ABCA4: variants seen among roughly 807,000 people sequenced by gnomAD.
ABCA4 encodes ATP binding cassette subfamily A member 4.
In ABCA4, 196 loss-of-function variants were observed where a neutral mutation model predicts 263.7. That is an observed-to-expected ratio of 0.74 (90% CI 0.66 to 0.84). The LOEUF (loss-of-function observed/expected upper bound fraction) is 0.84. Among genes scored for constraint, ABCA4 ranks in the 40% least tolerant of loss-of-function variants. ABCA4 has a pLI of 0.00. For missense variants in ABCA4, 2,792 were observed against 2,855.1 expected (o/e 0.98, Z 0.50); for synonymous variants, 1,133 against 1,094.2 (o/e 1.04, Z -0.70).
chr1:93,993,317 C>G, intron 49 of ABCA4, 75 bp from the exon 50 acceptor site: 1 of 1,600,656 alleles, frequency 6.2e-7, no homozygotes. Flanking sequence ...ATTTCAAAAG[C>G]TAAACAGTTG....
intron 6 of ABCA4, among the ~76,000 whole-genome samples, chr1:94,095,122 A>G (rs1662087354): frequency 6.6e-6 from 1 of 152,168 alleles, no homozygotes. Context: ...TAGTGTGCAA[A>G]TGAGCGTGTG....
At chr1:94,086,198 C>T (rs935857086) in intron 6 of ABCA4, among the ~76,000 whole-genome samples, 2 of 152,186 alleles carry the variant, frequency 1.3e-5, no homozygotes, top group Non-Finnish European at 2.9e-5. Flanking sequence ...TGTTTATACA[C>T]CTGATACTCC....
In ABCA4 at chr1:94,103,025, C is replaced by T. The variant is rs202198282; in HGVS notation, c.560G>A (p.Arg187His). Residue 187 changes from arginine to histidine, a missense_variant, in exon 5 of 50, where the codon CGT becomes CAT. Coordinates refer to ENST00000370225, the MANE Select transcript of ABCA4 (RefSeq NM_000350.3). ...GTGACATCCCCCTACCTGCTCTGGA[C>T]GGACTTGAGAGTTGATCAGAAGGTA... Reference protein sequence around the residue: ...VVYLLINSQVRPEQFAHGVPD... With the variant: ...VVYLLINSQVHPEQFAHGVPD... 27 of 1,614,090 alleles carry T rather than the reference C, an allele frequency of 1.7e-5. No homozygotes were observed. The highest frequency in any genetic ancestry group is 6.6e-5 in the South Asian group (6 of 91,084).
chr1:94,050,317 T>G (rs1281542440), intron 17 of ABCA4, among the ~76,000 whole-genome samples: 1 of 152,228 alleles, frequency 6.6e-6, no homozygotes, highest in Non-Finnish European at 1.5e-5. Context: ...AGGCAATGCA[T>G]GTGCATGTTC....
intron 5 of ABCA4, among the ~76,000 whole-genome samples, chr1:94,099,276 G>A (rs1662225856): frequency 6.6e-6 from 1 of 152,190 alleles, no homozygotes; most frequent in African/African-American, 2.4e-5. Context: ...ACTGGCCTTG[G>A]AGATGGAAGC....
intron 36 of ABCA4, 190 bp downstream of exon 36, chr1:94,019,392 G>T: frequency 1.5e-6 from 1 of 647,508 alleles, no homozygotes; most frequent in Non-Finnish European, 2.6e-6. Context: ...TCCTAGCTTC[G>T]GGCTCCTAGT....
intron 6 of ABCA4, among the ~76,000 whole-genome samples, chr1:94,098,208 G>A (rs1405718926): frequency 6.6e-6 from 1 of 152,152 alleles, no homozygotes; most frequent in African/African-American, 2.4e-5. Flanking sequence ...ACAAAGGGTT[G>A]AGCTAGATCA....
chr1:94,001,590 G>A (rs543978794), intron 45 of ABCA4: 7 of 631,318 alleles, frequency 1.1e-5, no homozygotes, highest in Middle Eastern at 2.5e-4. Context: ...TGAACTTCCC[G>A]GCTGTGAGCC....
intron 16 of ABCA4, among the ~76,000 whole-genome samples, chr1:94,052,817 T>A (rs1030647264): frequency 6.6e-6 from 1 of 152,188 alleles, no homozygotes; most frequent in South Asian, 2.1e-4. Context: ...CTAAAACCCT[T>A]GGAATTTCCT....
intron 17 of ABCA4, among the ~76,000 whole-genome samples, chr1:94,050,410 AG>A (rs1442500958): frequency 6.6e-6 from 1 of 152,122 alleles, no homozygotes; most frequent in East Asian, 1.9e-4. Flanking sequence ...CTGTGAAAGG[AG>A]GGAGGTTGGG....
chr1:94,064,607 C>A (rs6661519), intron 11 of ABCA4, among the ~76,000 whole-genome samples: 45,860 of 152,016 alleles, frequency 0.3, 7,409 homozygotes, highest in East Asian at 0.68. Context: ...GGCCCTACCC[C>A]AAGCAATTAA....
chr1:94,114,479 C>T (rs1032661075), intron 1 of ABCA4, among the ~76,000 whole-genome samples: 6 of 146,772 alleles, frequency 4.1e-5, no homozygotes, highest in Admixed American at 1.4e-4. Context: ...ATAGACTCTC[C>T]GTGAGGCACT....
chr1:94,028,152 C>T (rs1412412034), intron 30 of ABCA4, among the ~76,000 whole-genome samples: 1 of 152,218 alleles, frequency 6.6e-6, no homozygotes. Flanking sequence ...AAGTAGTCCA[C>T]CTGGGGCTCT....
Position 94,083,350 on chromosome 1 carries a change from A to T in ABCA4, c.858+2T>A, listed in dbSNP as rs1661749935. 1 of 1,599,236 alleles carries T rather than the reference A, an allele frequency of 6.3e-7. No individual in the cohort carries two copies. The highest frequency in any genetic ancestry group is 1.7e-5 in the Admixed American group (1 of 59,972). On this transcript the variant is annotated splice_donor_variant, in intron 7 of 49. Coordinates refer to ENST00000370225, the MANE Select transcript of ABCA4 (RefSeq NM_000350.3). LOFTEE classifies it high-confidence loss of function. ...TATAATTACTACCATCAGGCTACTCACCTCTTGAATTCTTGGTGACATATC... is the reference window on the plus strand; with the variant it reads ...TATAATTACTACCATCAGGCTACTCTCCTCTTGAATTCTTGGTGACATATC...
intron 7 of ABCA4, among the ~76,000 whole-genome samples, chr1:94,081,141 C>T (rs1046782555): frequency 2.6e-5 from 4 of 152,102 alleles, no homozygotes; most frequent in African/African-American, 4.8e-5. Context: ...AGGAGAATGG[C>T]GTGAACCTGG....
chr1:94,056,880 T>C, intron 14 of ABCA4, 58 bp from the exon 15 acceptor site: 1 of 1,423,912 alleles, frequency 7.0e-7, no homozygotes, highest in Non-Finnish European at 9.7e-7. Context: ...GCCTTCTCAT[T>C]CTGCCCTAAA....
At chr1:93,996,569 G>A (rs140112033) in intron 48 of ABCA4, among the ~76,000 whole-genome samples, 87 of 152,276 alleles carry the variant, frequency 5.7e-4, no homozygotes, top group Non-Finnish European at 1.1e-3. Context: ...GCTCCTGCTC[G>A]TGCCTCCCTC....
chr1:94,085,910 C>T (rs1282525960), intron 6 of ABCA4, among the ~76,000 whole-genome samples: 1 of 152,136 alleles, frequency 6.6e-6, no homozygotes, highest in Non-Finnish European at 1.5e-5. Context: ...GAAACAGCTT[C>T]CTCCCAAGTA....
At chr1:94,120,887 G>GGGC in intron 1 of ABCA4, 93 bp downstream of exon 1, 2 of 339,358 alleles carry the variant, frequency 5.9e-6, no homozygotes, top group African/African-American at 3.4e-5. Flanking sequence ...CCCCCACCCT[G>GGGC]CCCCACCACC....
Sources: gnomAD v4.1 joint callset for allele counts (sites outside exome capture counted in the v4.1 genomes callset) on GRCh38, gnomAD v4.1.1 for gene constraint, MANE v1.5 for transcripts, NCBI Gene and HGNC (gene_info 2026-07-23, HGNC 2026-07-21) for gene names.